Variants in LYPD5 observed in about 807,000 individuals in gnomAD.
LYPD5 encodes the protein LY6/PLAUR domain containing 5, also known as ly6/PLAUR domain-containing protein 5.
In LYPD5, 21 loss-of-function variants were observed where a neutral mutation model predicts 19.1. That is an observed-to-expected ratio of 1.10 (90% CI 0.78 to 1.58). The LOEUF is 1.58. Among genes scored for constraint, LYPD5 ranks in the 40% most tolerant of loss-of-function variants. The probability of loss-of-function intolerance (pLI) is 0.00; values close to 1 mark genes in which losing one functional copy is unlikely to be tolerated. For synonymous variants in LYPD5, 128 were observed against 142.7 expected (o/e 0.90, Z 0.74); for missense variants, 287 against 329.8 (o/e 0.87, Z 1.00).
intron 1 of LYPD5, among the ~76,000 whole-genome samples, chr19:43,800,505 T>C (rs1201805020): frequency 6.6e-6 from 1 of 152,162 alleles, no homozygotes; most frequent in East Asian, 1.9e-4. Context: ...TGAGGATGCT[T>C]GTGCCTGTAT....
At chr19:43,800,150 C>A in intron 1 of LYPD5, 1 of 227,246 alleles carries the variant, frequency 4.4e-6, no homozygotes, top group Non-Finnish European at 8.8e-6. Flanking sequence ...TTGCTCTGCC[C>A]ATCCTTCCCC....
At chr19:43,802,557 AGTTGCTG>A, upstream of LYPD5, 3 of 317,762 alleles carry the variant, frequency 9.4e-6, no homozygotes, top group Admixed American at 6.3e-5. Flanking sequence ...GGTGATCCTC[AGTTGCTG>A]GAGATCTACA....
chr19:43,806,522 G>C (rs1429628864), upstream of LYPD5, among the ~76,000 whole-genome samples: 3 of 151,960 alleles, frequency 2.0e-5, no homozygotes, highest in East Asian at 3.9e-4. Context: ...AATTAGCTGG[G>C]CATAGTGGGC....
intron 1 of LYPD5, among the ~76,000 whole-genome samples, chr19:43,818,288 G>A (rs183838260): frequency 1.3e-5 from 2 of 152,272 alleles, no homozygotes; most frequent in African/African-American, 4.8e-5. Flanking sequence ...AAGTTTCTGT[G>A]CTATTATTTT....
At chr19:43,810,547 T>TC (rs1970312414) in intron 1 of LYPD5, among the ~76,000 whole-genome samples, 1 of 35,310 alleles carries the variant, frequency 2.8e-5, no homozygotes, top group Non-Finnish European at 6.0e-5. Flanking sequence ...TCCCCTCCCC[T>TC]CCCCTCCCTT....
intron 1 of LYPD5, among the ~76,000 whole-genome samples, chr19:43,814,730 A>G (rs1970355798): frequency 1.3e-5 from 2 of 152,234 alleles, no homozygotes; most frequent in South Asian, 4.1e-4. Flanking sequence ...AATTAAAGGA[A>G]CAACATAGCT....
At chr19:43,804,410 T>G (rs553964391), upstream of LYPD5, among the ~76,000 whole-genome samples, 1 of 91,816 alleles carries the variant, frequency 1.1e-5, no homozygotes, top group African/African-American at 3.2e-5. Context: ...AATAACTCCA[T>G]GTGATGGACA....
rs112616402 is a variant in LYPD5 at position 43,810,049 on chromosome 19, C to G, written c.-65-10215G>C. 2.1e-3 allele frequency among the ~76,000 whole-genome samples: 314 copies of G among 152,238 alleles called. 1 individual carries two copies. Among genetic ancestry groups the G allele is most frequent in the Non-Finnish European group, 3.1e-3 (213 of 67,998 alleles). ...CTTTTGCAACCGTCAATAGCATGCA[C>G]AATACATAATAATTTTCAAAAAGTT... is the stretch of plus-strand genomic sequence containing the variant. On this transcript the variant is annotated intron_variant, in intron 1 of 4. Coordinates refer to the LYPD5 transcript ENST00000414615.
At chr19:43,803,181 TGAAGAGGGACACCCC>T (rs779918825), upstream of LYPD5, among the ~76,000 whole-genome samples, 214 of 151,778 alleles carry the variant, frequency 1.4e-3, no homozygotes, top group Non-Finnish European at 2.5e-3. Context: ...AACCTAGAGG[TGAAGAGGGACACCCC>T]GATAGACACG....
At chr19:43,816,303 A>G (rs1970376061) in intron 1 of LYPD5, among the ~76,000 whole-genome samples, 1 of 152,142 alleles carries the variant, frequency 6.6e-6, no homozygotes, top group South Asian at 2.1e-4. Context: ...TTGCATTACT[A>G]TGGCTTCTAC....
chr19:43,799,269 G>A (rs1470275573), intron 2 of LYPD5, among the ~76,000 whole-genome samples: 1 of 151,908 alleles, frequency 6.6e-6, no homozygotes, highest in Non-Finnish European at 1.5e-5. Context: ...GCGGAGGACG[G>A]AGCCTCGCTC....
At chr19:43,819,095 A>G (rs1168118252) in intron 1 of LYPD5, among the ~76,000 whole-genome samples, 3 of 152,086 alleles carry the variant, frequency 2.0e-5, no homozygotes, top group Admixed American at 6.5e-5. Context: ...ATTATCTCAG[A>G]AATGGATCAC....
intron 3 of LYPD5, 30 bp from the exon 4 acceptor site, chr19:43,798,631 G>C (rs1206317023): frequency 1.2e-6 from 2 of 1,609,824 alleles, no homozygotes; most frequent in Non-Finnish European, 1.7e-6. Flanking sequence ...GCACACTCAG[G>C]CAGTGGTACC....
intron 1 of LYPD5, among the ~76,000 whole-genome samples, chr19:43,810,155 C>T (rs924195243): frequency 6.6e-6 from 1 of 152,214 alleles, no homozygotes; most frequent in African/African-American, 2.4e-5. Flanking sequence ...CCAACATGAA[C>T]AACTGCACAT....
At chr19:43,799,865 G>A (rs1270907498) in intron 1 of LYPD5, 31 bp from the exon 2 acceptor site, 6 of 1,587,398 alleles carry the variant, frequency 3.8e-6, no homozygotes, top group Non-Finnish European at 5.1e-6. Context: ...GAGTCAGCAG[G>A]GCCAGTGTGA....
intron 1 of LYPD5, among the ~76,000 whole-genome samples, chr19:43,810,538 C>G: frequency 2.3e-5 from 1 of 43,680 alleles, no homozygotes; most frequent in Non-Finnish European, 5.0e-5. Flanking sequence ...TCCGTTCCCT[C>G]CCCTCCCCTC....
At position 43,798,913 on chromosome 19, in the gene LYPD5, G is replaced by A. The variant is rs758392058; in HGVS notation, c.269C>T (p.Ala90Val). 3 of 1,598,494 alleles carry A rather than the reference G, an allele frequency of 1.9e-6. No individual in the cohort carries two copies. The highest frequency in any genetic ancestry group is 1.3e-5 in the African/African-American group (1 of 74,884). ...CGAGTAGTCTGGCGGCAGCGCGTCCGCGTTCGATTGCGTCTGGCCCGCAGG... is the reference window on the plus strand; with the variant it reads ...CGAGTAGTCTGGCGGCAGCGCGTCCACGTTCGATTGCGTCTGGCCCGCAGG... ...GPPAGQTQSN[A>V]DALPPDYSVV... The change falls in exon 3 of 5, where the codon GCG (alanine) becomes GTG (valine). Residue 90 changes from alanine to valine, a missense_variant. Ala to Val is a moderately conservative substitution (Grantham distance 64, BLOSUM62 0). Transcript: ENST00000377950.
At chr19:43,799,880 G>A (rs1048039511) in intron 1 of LYPD5, 46 bp from the exon 2 acceptor site, 1 of 1,561,174 alleles carries the variant, frequency 6.4e-7, no homozygotes. Context: ...GTGTGAGCCT[G>A]TCCCAGGAAC....
chr19:43,800,954 ACT>A lies in LYPD5; in HGVS notation c.65-1122_65-1121del, dbSNP rs1271126844. On this transcript the variant is annotated intron_variant, in intron 1 of 4. Transcript: ENST00000377950. ...CCAGCCTGGGCGGCGACAGAGGGAG[ACT>A]CTGTCTCAAAAAAAAAAAAAAAATC... Among the ~76,000 whole-genome samples, 4 of 84,858 alleles carry A rather than the reference ACT, an allele frequency of 4.7e-5. No homozygotes were observed. The East Asian group carries it at 1.3e-3, about 27-fold the overall frequency. 55.7% of individuals were successfully genotyped at this position (84,858 alleles called of 152,430 possible). A position where few individuals can be genotyped will look rare whatever the true frequency, so the allele number is the denominator to read the frequency against.
Sources: allele counts gnomAD v4.1 joint callset (sites outside exome capture counted in the v4.1 genomes callset), GRCh38; gene constraint gnomAD v4.1.1; transcripts MANE v1.5; gene names NCBI Gene and HGNC (gene_info 2026-07-23, HGNC 2026-07-21).